The following EPHA1 variants were observed in gnomAD, a reference collection of about 807,000 sequenced individuals.
EPHA1 encodes ephrin type-A receptor 1.
A neutral mutation model predicts 110.1 loss-of-function variants in EPHA1; 92 were observed. The ratio of observed to expected loss-of-function variants is 0.84; its 90% confidence interval spans 0.71 to 0.99. EPHA1 has a LOEUF of 0.99. Ranked by LOEUF, EPHA1 falls within the 50% of genes least tolerant of loss-of-function variation. EPHA1 has a pLI of 0.00. For synonymous variants in EPHA1, 500 were observed against 516.1 expected, an observed-to-expected ratio of 0.97 and a Z score of 0.42; for missense variants, 1,204 against 1,285.4, an observed-to-expected ratio of 0.94 and a Z score of 0.97.
chr7:143,405,325 G>A (rs1362896594), intron 2 of EPHA1, among the ~76,000 whole-genome samples: 1 of 152,180 alleles, frequency 6.6e-6, no homozygotes, highest in East Asian at 1.9e-4. Context: ...ACAGATGGGC[G>A]AGAGCCAGCT....
At chr7:143,396,255 C>A (rs537801194) in intron 11 of EPHA1, 130 bp downstream of exon 11, 1 of 1,267,766 alleles carries the variant, frequency 7.9e-7, no homozygotes, top group Non-Finnish European at 1.1e-6. Flanking sequence ...AGAGTGAGTA[C>A]CTCTGGAAAC....
In EPHA1 at chr7:143,393,937, A is replaced by C; in HGVS notation, c.2503-73T>G. ...AGGCCCATGAGAAACCGACGGTCAC[A>C]CAAGATAATTGCAGTGGAGATCCTA... On this transcript the variant is annotated intron_variant, in intron 15 of 17. Transcript: ENST00000275815. The surrounding 1 kb of genome is among the most constrained non-coding windows in gnomAD (Gnocchi z 5.6). 3.4e-6 allele frequency: 5 copies of C among 1,475,240 alleles called. No homozygotes were observed. The highest frequency in any genetic ancestry group is 3.6e-6 in the Non-Finnish European group (4 of 1,100,918). The allele number at this position is 1,475,240 out of a possible 1,614,324, so 91.4% of individuals were successfully genotyped here. A position where few individuals can be genotyped will look rare whatever the true frequency, so the allele number is the denominator to read the frequency against.
intron 1 of EPHA1, among the ~76,000 whole-genome samples, chr7:143,408,303 GGAGGCA>G (rs1301224003): frequency 6.6e-6 from 1 of 152,168 alleles, no homozygotes; most frequent in Non-Finnish European, 1.5e-5. Context: ...CCCTTCTCCC[GGAGGCA>G]GCTCCCTCTG....
intron 2 of EPHA1, among the ~76,000 whole-genome samples, chr7:143,404,018 AC>A (rs1476484271): frequency 6.6e-6 from 1 of 152,142 alleles, no homozygotes; most frequent in African/African-American, 2.4e-5. Flanking sequence ...TTTGATGTGG[AC>A]TTACATTGTA....
chr7:143,398,593 C>A lies in EPHA1; in HGVS notation c.1336+8G>T. 12 of 1,611,598 alleles carry A rather than the reference C, an allele frequency of 7.4e-6. No homozygotes were observed. The highest frequency in any genetic ancestry group is 9.3e-6 in the Non-Finnish European group (11 of 1,178,246). On this transcript the variant is annotated splice_region_variant and intron_variant, in intron 6 of 17. Transcript: ENST00000275815. ...AGGTCCCTGTCCCAGCCCCTCTCAG[C>A]CTCTCACCTGCATGCCCCATGCTGA...
At position 143,395,011 on chromosome 7, in the gene EPHA1, G is replaced by C. The variant is rs1222747501; in HGVS notation, c.2149C>G (p.Arg717Gly). 3.1e-6 allele frequency: 5 copies of C among 1,613,982 alleles called. No homozygotes were observed. The highest frequency in any genetic ancestry group is 4.2e-6 in the Non-Finnish European group (5 of 1,180,014). ...NGALDAFLREREDQLVPGQLV... is the reference protein window; with the variant it reads ...NGALDAFLREGEDQLVPGQLV... ...TGCCCAGGGACCAGCTGGTCCTCCC[G>C]CTCCTGCAGCAGGGTGAGTGGGTGA... is the stretch of plus-strand genomic sequence containing the variant. The change falls in exon 14 of 18, where the codon CGG (arginine) becomes GGG (glycine). Residue 717 changes from arginine (R) to glycine (G), a missense_variant. Arg to Gly is a moderately radical substitution (Grantham distance 125). Coordinates refer to ENST00000275815, the MANE Select transcript of EPHA1 (RefSeq NM_005232.5). This position sits in a 1 kb window ranked among gnomAD's most constrained non-coding sequence, Gnocchi z 4.7.
At chr7:143,397,538 G>C in intron 9 of EPHA1, 23 bp downstream of exon 9, 1 of 1,601,210 alleles carries the variant, frequency 6.2e-7, no homozygotes, top group Non-Finnish European at 8.5e-7. Flanking sequence ...GCTGGTGGTT[G>C]GGGAGGGGGC....
In EPHA1 at chr7:143,394,817, G is replaced by A. The variant is rs755342811; in HGVS notation, c.2343C>T (p.Tyr781=). Residue 781 remains tyrosine, a synonymous_variant, in exon 14 of 18, where the codon TAC becomes TAT. Transcript: ENST00000275815. ...TRLLDDFDGT[Y]ETQGGKIPIR... ...TGTACCGGCCTCTAACCTGGGTTTC[G>A]TATGTGCCATCAAAGTCATCCAGGA... is the stretch of plus-strand genomic sequence containing the variant. 4.1e-5 allele frequency: 66 copies of A among 1,613,944 alleles called. No homozygotes were observed. Among genetic ancestry groups the A allele is most frequent in the Middle Eastern group, 3.3e-4 (2 of 6,084 alleles).
chr7:143,396,538 T>C, intron 10 of EPHA1, 28 bp from the exon 11 acceptor site: 3 of 1,610,828 alleles, frequency 1.9e-6, no homozygotes, highest in Non-Finnish European at 2.5e-6. Flanking sequence ...GGTTGGGGAG[T>C]ACCAACATCA....
Position 143,407,615 on chromosome 7 carries a change from T to C in EPHA1, c.146A>G (p.Asp49Gly), listed in dbSNP as rs1037157442. 6.2e-7 allele frequency: 1 copy of C among 1,613,170 alleles called. No individual in the cohort carries two copies. Among genetic ancestry groups the C allele is most frequent in the Admixed American group, 1.7e-5 (1 of 59,928 alleles). Residue 49 changes from aspartate (D) to glycine (G), a missense_variant, in exon 2 of 18, where the codon GAT becomes GGT. Transcript: ENST00000275815. ...CTTCCCTCTTCCGACACTTACCCCA[T>C]CTTTTGGGGGATCCAGCAGCCAGCC... ...ELGWLLDPPK[D>G]GWSEQQQILN...
In EPHA1 at chr7:143,398,583, C is replaced by T; in HGVS notation, c.1336+18G>A. 2 of 1,609,586 alleles carry T rather than the reference C, an allele frequency of 1.2e-6. No homozygotes were observed. The highest frequency in any genetic ancestry group is 2.2e-5 in the East Asian group (1 of 44,796). ...TGTCTCCACCAGGTCCCTGTCCCAG[C>T]CCCTCTCAGCCTCTCACCTGCATGC... On this transcript the variant is annotated intron_variant, in intron 6 of 17. Coordinates refer to ENST00000275815, the MANE Select transcript of EPHA1 (RefSeq NM_005232.5).
chr7:143,403,088 C>T (rs892104267), intron 2 of EPHA1, among the ~76,000 whole-genome samples: 8 of 152,130 alleles, frequency 5.3e-5, no homozygotes, highest in South Asian at 2.1e-4. Flanking sequence ...ATTTGAGGGC[C>T]GGGAGTGGTG....
Position 143,398,317 on chromosome 7 carries a change from T to A in EPHA1, c.1464+4A>T, listed in dbSNP as rs1805315994. 2 of 1,614,030 alleles carry A rather than the reference T, an allele frequency of 1.2e-6. No homozygotes were observed. Among genetic ancestry groups the A allele is most frequent in the Non-Finnish European group, 1.7e-6 (2 of 1,179,966 alleles). ...TGAAGACCATCTCTCAGTAGCATCCTGACCTGGTTCAGCACGTGCAGCTCA... is the reference window on the plus strand; with the variant it reads ...TGAAGACCATCTCTCAGTAGCATCCAGACCTGGTTCAGCACGTGCAGCTCA... On this transcript the variant is annotated splice_donor_region_variant and intron_variant, in intron 7 of 17. Coordinates refer to ENST00000275815, the MANE Select transcript of EPHA1 (RefSeq NM_005232.5).
intron 9 of EPHA1, 50 bp downstream of exon 9, chr7:143,397,511 G>A: frequency 6.2e-7 from 1 of 1,607,134 alleles, no homozygotes; most frequent in Non-Finnish European, 8.5e-7. Context: ...GCTGCAGTCA[G>A]GGGCTTCTGA....
At position 143,395,970 on chromosome 7, in the gene EPHA1, C is replaced by A. The variant is rs1207035339; in HGVS notation, c.1897+415G>T. Among the ~76,000 whole-genome samples the A allele has an allele frequency of 6.6e-6, 1 of 152,180 alleles. No homozygotes were observed. The highest frequency in any genetic ancestry group is 1.5e-5 in the Non-Finnish European group (1 of 68,026). ...ACTGAGATCCATTTCCTCTGGTGAC[C>A]CAAGGGAACAGGGCAGCCCAAGGAC... On this transcript the variant is annotated intron_variant, in intron 11 of 17. Transcript: ENST00000275815. This position sits in a 1 kb window ranked among gnomAD's most constrained non-coding sequence, Gnocchi z 4.7.
In EPHA1 at chr7:143,392,770, C is replaced by T. The variant is rs151219503; in HGVS notation, c.2696+901G>A. On this transcript the variant is annotated intron_variant, in intron 16 of 17. Transcript: ENST00000275815. The stretch of plus-strand genomic sequence containing the variant: ...CAGCTTGGCCAACATGGTGAAACCC[C>T]GTTTCTACTAAAAATACAAAAATTA... Among the ~76,000 whole-genome samples the T allele has an allele frequency of 2.6e-3, 402 of 152,138 alleles. 1 individual carries two copies. The highest frequency in any genetic ancestry group is 9.2e-3 in the African/African-American group (380 of 41,528).
At chr7:143,392,832 C>T (rs765443082) in intron 16 of EPHA1, among the ~76,000 whole-genome samples, 2 of 152,104 alleles carry the variant, frequency 1.3e-5, no homozygotes, top group African/African-American at 2.4e-5. Flanking sequence ...ATCCCAGCTA[C>T]TCAGGAGGCC....
intron 2 of EPHA1, among the ~76,000 whole-genome samples, chr7:143,402,765 G>A (rs764370941): frequency 2.6e-5 from 4 of 152,188 alleles, no homozygotes; most frequent in African/African-American, 4.8e-5. Context: ...ACTCAGCTAT[G>A]AGAGGCAGAG....
intron 16 of EPHA1, among the ~76,000 whole-genome samples, chr7:143,392,400 A>C (rs1805113334): frequency 6.6e-6 from 1 of 152,228 alleles, no homozygotes; most frequent in African/African-American, 2.4e-5. Flanking sequence ...TTGCGCTCCA[A>C]AAGATAGTTT....
Sources: allele counts gnomAD v4.1 joint callset (sites outside exome capture counted in the v4.1 genomes callset), GRCh38; gene constraint gnomAD v4.1.1; non-coding constraint Gnocchi (gnomAD v3.1); transcripts MANE v1.5; gene names NCBI Gene and HGNC (gene_info 2026-07-23, HGNC 2026-07-21).